Variants in SYNPR observed in about 807,000 individuals in gnomAD.
The protein encoded by SYNPR is synaptoporin.
A neutral mutation model predicts 32.9 loss-of-function variants in SYNPR; 23 were observed. That is an observed-to-expected ratio of 0.70 (90% CI 0.50 to 0.99). The LOEUF is 0.99. Among genes scored for constraint, SYNPR ranks in the 50% least tolerant of loss-of-function variants. SYNPR has a pLI of 0.00. For synonymous variants in SYNPR, 146 were observed against 135.9 expected (o/e 1.07, Z -0.52); for missense variants, 318 against 349.3 (o/e 0.91, Z 0.71).
At chr3:63,356,072 A>G (rs1485050846) in intron 2 of SYNPR, among the ~76,000 whole-genome samples, 1 of 152,196 alleles carries the variant, frequency 6.6e-6, no homozygotes, top group African/African-American at 2.4e-5. Context: ...TCCTCAGGGA[A>G]TAAGACATCA....
intron 2 of SYNPR, among the ~76,000 whole-genome samples, chr3:63,467,538 G>A (rs1700706157): frequency 6.6e-6 from 1 of 152,194 alleles, no homozygotes; most frequent in African/African-American, 2.4e-5. Context: ...TGGTGATAAT[G>A]ATGGTACTCA....
intron 3 of SYNPR, among the ~76,000 whole-genome samples, chr3:63,270,121 T>A (rs975936618): frequency 6.6e-6 from 1 of 152,152 alleles, no homozygotes; most frequent in African/African-American, 2.4e-5. Flanking sequence ...GAACTGAGCA[T>A]TGAGGGGCTT....
intron 2 of SYNPR, among the ~76,000 whole-genome samples, chr3:63,325,078 T>C (rs1237918188): frequency 6.6e-6 from 1 of 152,130 alleles, no homozygotes; most frequent in African/African-American, 2.4e-5. Flanking sequence ...CTGGTGAGCC[T>C]TCTGCATTTA....
At chr3:63,611,745 AT>A (rs1700202134) in intron 5 of SYNPR, among the ~76,000 whole-genome samples, 1 of 152,072 alleles carries the variant, frequency 6.6e-6, no homozygotes, top group African/African-American at 2.4e-5. Context: ...GTTTATATGT[AT>A]TTTTTAAAGA....
At chr3:63,280,177 T>G (rs928792171) in intron 2 of SYNPR, among the ~76,000 whole-genome samples, 2 of 152,206 alleles carry the variant, frequency 1.3e-5, no homozygotes, top group Non-Finnish European at 2.9e-5. Context: ...CGCTCACCTA[T>G]CTGAAATATT....
chr3:63,581,187 A>C (rs140028269), intron 4 of SYNPR, among the ~76,000 whole-genome samples: 1 of 152,264 alleles, frequency 6.6e-6, no homozygotes, highest in African/African-American at 2.4e-5. Context: ...GCTCCATACT[A>C]AATCAGAAAA....
intron 3 of SYNPR, among the ~76,000 whole-genome samples, chr3:63,525,801 G>A (rs1213808225): frequency 6.6e-6 from 1 of 152,164 alleles, no homozygotes; most frequent in African/African-American, 2.4e-5. Context: ...GTTCTAATTA[G>A]AAGGCTCTCT....
intron 4 of SYNPR, among the ~76,000 whole-genome samples, chr3:63,582,906 T>C (rs1703116696): frequency 1.3e-5 from 2 of 152,080 alleles, no homozygotes; most frequent in Non-Finnish European, 2.9e-5. Context: ...GATTAGCTCA[T>C]GTAAGTGTCA....
the SYNPR span, among the ~76,000 whole-genome samples, chr3:63,217,841 A>G: frequency 6.6e-6 from 1 of 152,180 alleles, no homozygotes; most frequent in Non-Finnish European, 1.5e-5. Flanking sequence ...ACTCCACCCA[A>G]AAGCATTTGG....
chr3:63,238,840 TG>T (rs2086217081), intron 1 of SYNPR, among the ~76,000 whole-genome samples: 1 of 152,142 alleles, frequency 6.6e-6, no homozygotes, highest in African/African-American at 2.4e-5. Context: ...TTTTGATGTG[TG>T]GTAGTAGGGT....
chr3:63,353,363 G>T (rs933889410), intron 2 of SYNPR, among the ~76,000 whole-genome samples: 4 of 152,214 alleles, frequency 2.6e-5, no homozygotes, highest in African/African-American at 9.6e-5. Flanking sequence ...TCTTCCACAG[G>T]GAGGGGGATC....
intron 2 of SYNPR, among the ~76,000 whole-genome samples, chr3:63,473,616 T>C (rs960770617): frequency 6.6e-6 from 1 of 152,148 alleles, no homozygotes; most frequent in Non-Finnish European, 1.5e-5. Flanking sequence ...AATAGAATAA[T>C]GGGAGCCGAG....
chr3:63,480,817 A>G lies in SYNPR; in HGVS notation c.85-15A>G, dbSNP rs1302983361. ...CCTAATAACTGCCTTCTATTTGTTT[A>G]ATTGTTCTCCACAGCTTTTTGCAAT... On this transcript the variant is annotated splice_polypyrimidine_tract_variant and intron_variant, in intron 2 of 5. Coordinates refer to ENST00000478300, the MANE Select transcript of SYNPR (RefSeq NM_001130003.2). 6.2e-7 allele frequency: 1 copy of G among 1,611,874 alleles called. No individual in the cohort carries two copies. The highest frequency in any genetic ancestry group is 1.3e-5 in the African/African-American group (1 of 74,900).
At chr3:63,364,394 C>G (rs1376479) in intron 2 of SYNPR, among the ~76,000 whole-genome samples, 1 of 151,996 alleles carries the variant, frequency 6.6e-6, no homozygotes, top group Non-Finnish European at 1.5e-5. Context: ...AGGACAAATA[C>G]TCAAATAGAT....
At chr3:63,269,444 C>T (rs1231679815) in intron 3 of SYNPR, among the ~76,000 whole-genome samples, 5 of 151,656 alleles carry the variant, frequency 3.3e-5, no homozygotes, top group Non-Finnish European at 5.9e-5. Context: ...AGCCACTGCA[C>T]TCTACCCTGG....
chr3:63,291,668 A>C (rs2086739990), intron 2 of SYNPR, among the ~76,000 whole-genome samples: 1 of 152,150 alleles, frequency 6.6e-6, no homozygotes, highest in Admixed American at 6.5e-5. Flanking sequence ...CAGGAGATGA[A>C]TTTGAAATTT....
In SYNPR at chr3:63,480,840, A is replaced by T. The variant is rs755449286; in HGVS notation, c.93A>T (p.Ala31=). 1.9e-6 allele frequency: 3 copies of T among 1,613,164 alleles called. No homozygotes were observed. The East Asian group carries it at 6.7e-5, about 36-fold the overall frequency. ...AFLRALELLF[A]IFAFATCGGY... ...TTAATTGTTCTCCACAGCTTTTTGCAATCTTTGCATTTGCAACATGCGGTG... is the reference window on the plus strand; with the variant it reads ...TTAATTGTTCTCCACAGCTTTTTGCTATCTTTGCATTTGCAACATGCGGTG... Residue 31 remains alanine (A), a synonymous_variant, in exon 3 of 6, where the codon GCA becomes GCT. Transcript: ENST00000478300.
intron 2 of SYNPR, among the ~76,000 whole-genome samples, chr3:63,469,518 C>A (rs1415480957): frequency 2.0e-5 from 3 of 152,098 alleles, no homozygotes; most frequent in Non-Finnish European, 4.4e-5. Context: ...AAAAACACTA[C>A]CATAGGCAAG....
chr3:63,344,553 T>A (rs2087412333), intron 2 of SYNPR, among the ~76,000 whole-genome samples: 2 of 148,754 alleles, frequency 1.3e-5, no homozygotes, highest in South Asian at 4.3e-4. Context: ...AAAAAAGATT[T>A]TTTTTTTTTT....
Sources: gnomAD v4.1 joint callset for allele counts (sites outside exome capture counted in the v4.1 genomes callset) on GRCh38, gnomAD v4.1.1 for gene constraint, MANE v1.5 for transcripts, NCBI Gene and HGNC (gene_info 2026-07-23, HGNC 2026-07-21) for gene names.